The following PIKFYVE variants were observed in gnomAD, a reference collection of about 807,000 sequenced individuals.
PIKFYVE encodes the protein 1-phosphatidylinositol 3-phosphate 5-kinase.
A neutral mutation model predicts 257.9 loss-of-function variants in PIKFYVE; 122 were observed. The ratio of observed to expected loss-of-function variants is 0.47; its 90% CI spans 0.41 to 0.55. The LOEUF (loss-of-function observed/expected upper bound fraction) is 0.55. PIKFYVE is among the 20% of genes least tolerant of loss of function. PIKFYVE has a pLI of 0.00. For missense variants in PIKFYVE, 2,160 were observed against 2,536.6 expected (o/e 0.85, Z 3.19); for synonymous variants, 892 against 868.9 (o/e 1.03, Z -0.47).
At chr2:208,329,956 A>G in intron 22 of PIKFYVE, 43 bp downstream of exon 22, 1 of 1,600,864 alleles carries the variant, frequency 6.2e-7, no homozygotes, top group East Asian at 2.2e-5. Flanking sequence ...CACATTTTTG[A>G]TGCTCAAAAT....
In PIKFYVE at chr2:208,325,780, C is replaced by A; in HGVS notation, c.2969C>A (p.Ala990Asp). 4 of 1,613,992 alleles carry A rather than the reference C, an allele frequency of 2.5e-6. No homozygotes were observed. The highest frequency in any genetic ancestry group is 2.5e-6 in the Non-Finnish European group (3 of 1,179,974). ...CTCCCTGTGGATGACCAACAAGATG[C>A]TTTAGGCAGCGAGCAGCCAGAGACT... Reference protein sequence around the residue: ...LPLPVDDQQDALGSEQPETLQ... With the variant: ...LPLPVDDQQDDLGSEQPETLQ... The change falls in exon 20 of 42, where the codon GCT becomes GAT. Residue 990 changes from alanine to aspartate, a missense_variant. Physicochemically the swap from Ala to Asp is moderately radical, Grantham distance 126. This residue lies in a region of PIKFYVE where 522 missense variants were observed against 514.6 expected (regional missense o/e 1.01). Transcript: ENST00000264380.
chr2:208,313,965 T>C (rs1047455319), intron 13 of PIKFYVE, among the ~76,000 whole-genome samples: 1 of 152,228 alleles, frequency 6.6e-6, no homozygotes, highest in Non-Finnish European at 1.5e-5. Flanking sequence ...TTATTTGCTT[T>C]TCAGAAGCTG....
Position 208,314,410 on chromosome 2 carries a change from A to T in PIKFYVE, c.1813A>T (p.Met605Leu). The T allele has an allele frequency of 6.2e-7, 1 of 1,613,990 alleles. No homozygotes were observed. Among genetic ancestry groups the T allele is most frequent in the Non-Finnish European group, 8.5e-7 (1 of 1,179,930 alleles). Residue 605 changes from methionine to leucine, a missense_variant, in exon 14 of 42, where the codon ATG becomes TTG. By Grantham distance (15) the Met-to-Leu change is conservative (BLOSUM62 2). Around this residue, in one of 12 missense-constraint regions of PIKFYVE, gnomAD observed 346 missense variants for 365.6 expected, o/e 0.95. Coordinates refer to ENST00000264380, the MANE Select transcript of PIKFYVE (RefSeq NM_015040.4). The part of the protein sequence containing the change: ...LREENGEKQA[M>L]ERLLSANHNH... ...GGAGGAGAATGGGGAGAAACAAGCC[A>T]TGGAGAGGTTGCTGTAAGGCAATGA...
At chr2:208,314,048 T>C (rs1175499960) in intron 13 of PIKFYVE, among the ~76,000 whole-genome samples, 1 of 152,274 alleles carries the variant, frequency 6.6e-6, no homozygotes, top group Non-Finnish European at 1.5e-5. Flanking sequence ...TGATTTTGGC[T>C]GTTGCCAATT....
At position 208,344,889 on chromosome 2, in the gene PIKFYVE, T is replaced by C. The variant is rs1432279475; in HGVS notation, c.5028-222T>C. On this transcript the variant is annotated intron_variant, in intron 32 of 41. Coordinates refer to ENST00000264380, the MANE Select transcript of PIKFYVE (RefSeq NM_015040.4). The stretch of plus-strand genomic sequence containing the variant: ...TCTTTGTTGAGGGTATTGATACTGG[T>C]TGATGAGTCAGTGGGTCATATTTTG... Among the ~76,000 whole-genome samples, 6 of 152,244 alleles carry C rather than the reference T, an allele frequency of 3.9e-5. No homozygotes were observed. The East Asian group carries it at 1.2e-3, about 29-fold the overall frequency.
At chr2:208,333,561 T>C (rs1697796110) in intron 24 of PIKFYVE, 68 bp downstream of exon 24, 1 of 1,502,252 alleles carries the variant, frequency 6.7e-7, no homozygotes, top group African/African-American at 1.4e-5. Flanking sequence ...TTTTTAACAT[T>C]TTCACCATTA....
chr2:208,328,393 C>T (rs866699397), intron 21 of PIKFYVE, 113 bp downstream of exon 21: 6 of 1,246,294 alleles, frequency 4.8e-6, no homozygotes, highest in Middle Eastern at 3.7e-4. Flanking sequence ...ACACAGCACA[C>T]TGCTGGTCAT....
chr2:208,316,654 A>G (rs1217110730), intron 15 of PIKFYVE, among the ~76,000 whole-genome samples: 1 of 152,204 alleles, frequency 6.6e-6, no homozygotes, highest in Non-Finnish European at 1.5e-5. Flanking sequence ...TATGGAACCA[A>G]AAAAGAGCCC....
Position 208,329,783 on chromosome 2 carries a change from A to T in PIKFYVE, c.3720-59A>T, listed in dbSNP as rs1332244742. On this transcript the variant is annotated intron_variant, in intron 21 of 41. Coordinates refer to ENST00000264380, the MANE Select transcript of PIKFYVE (RefSeq NM_015040.4). ...ATAGGTAATCATAATTTGTGGTCTC[A>T]TGAAATGTCTCTGGGGCATGGTAAT... 4 of 1,595,738 alleles carry T rather than the reference A, an allele frequency of 2.5e-6. No homozygotes were observed. In the African/African-American group the frequency reaches 4.0e-5, roughly 16 times the overall value.
intron 16 of PIKFYVE, among the ~76,000 whole-genome samples, chr2:208,318,320 G>A (rs1290968069): frequency 2.0e-5 from 3 of 152,080 alleles, no homozygotes; most frequent in Non-Finnish European, 4.4e-5. Flanking sequence ...TCTAGTGCTC[G>A]GCTACAGAAC....
Position 208,333,406 on chromosome 2 carries a change from G to T in PIKFYVE, c.4055G>T (p.Arg1352Leu). ...ELRFYGHQYT[R>L]RANAEPCGHS... is the part of the protein sequence containing the mutation. The stretch of plus-strand genomic sequence containing the variant: ...AGGTTTTATGGGCACCAGTATACTC[G>T]CAGAGCCAACGCTGAGCCCTGTGGT... Residue 1352 changes from arginine to leucine, a missense_variant, in exon 24 of 42, where the codon CGC (arginine) becomes CTC (leucine). Arg to Leu is a moderately radical substitution (Grantham distance 102). Transcript: ENST00000264380. The T allele has an allele frequency of 2.5e-6, 4 of 1,613,890 alleles. No homozygotes were observed. The highest frequency in any genetic ancestry group is 3.4e-6 in the Non-Finnish European group (4 of 1,179,918).
chr2:208,289,667 T>C (rs1402487994), intron 7 of PIKFYVE, among the ~76,000 whole-genome samples: 3 of 152,134 alleles, frequency 2.0e-5, no homozygotes, highest in Non-Finnish European at 4.4e-5. Flanking sequence ...CCTGACCTCA[T>C]GATCCACCCA....
intron 21 of PIKFYVE, 136 bp downstream of exon 21, chr2:208,328,416 A>G (rs1396097739): frequency 9.6e-7 from 1 of 1,041,834 alleles, no homozygotes; most frequent in African/African-American, 1.6e-5. Flanking sequence ...ATGAATTGAT[A>G]GAACTTTTAA....
Position 208,336,941 on chromosome 2 carries a change from G to T in PIKFYVE, c.4611+13G>T, listed in dbSNP as rs1698196628. 6.3e-7 allele frequency: 1 copy of T among 1,587,276 alleles called. No homozygotes were observed. The highest frequency in any genetic ancestry group is 8.6e-7 in the Non-Finnish European group (1 of 1,156,570). ...GGAAGAAAGCAAGGTATGAAATGTAGTCTTGTCTTTGGTCCTTAATCAATA... is the reference window on the plus strand; with the variant it reads ...GGAAGAAAGCAAGGTATGAAATGTATTCTTGTCTTTGGTCCTTAATCAATA... On this transcript the variant is annotated intron_variant, in intron 28 of 41. Coordinates refer to ENST00000264380, the MANE Select transcript of PIKFYVE (RefSeq NM_015040.4).
In PIKFYVE at chr2:208,355,246, A is replaced by G. The variant is rs1700095725; in HGVS notation, c.6238A>G (p.Met2080Val). ...GTACAGGACTAGGTTTTGTGAGGCAATGGACAAGTATTTCCTAATGGTACC... is the reference window on the plus strand; with the variant it reads ...GTACAGGACTAGGTTTTGTGAGGCAGTGGACAAGTATTTCCTAATGGTACC... ...ELYRTRFCEA[M>V]DKYFLMVPDH... The change falls in exon 42 of 42, where the codon ATG (methionine) becomes GTG (valine). Residue 2080 changes from methionine (M) to valine (V), a missense_variant. This residue lies in a region of PIKFYVE where 38 missense variants were observed against 77.7 expected (regional missense o/e 0.49). Transcript: ENST00000264380. 1 of 1,613,956 alleles carries G rather than the reference A, an allele frequency of 6.2e-7. No homozygotes were observed. The highest frequency in any genetic ancestry group is 1.3e-5 in the African/African-American group (1 of 74,922).
chr2:208,357,003 TATTAAAA>T lies in PIKFYVE; in HGVS notation c.*1701_*1707del, dbSNP rs1181839753. ...AGGCAGTAGTTTGGTATTTGGTGCT[TATTAAAA>T]ATGTGGTTTGTTTTGAACTGGAAGC... On this transcript the variant is annotated 3_prime_UTR_variant, in exon 42 of 42. Coordinates refer to ENST00000264380, the MANE Select transcript of PIKFYVE (RefSeq NM_015040.4). The T allele has an allele frequency of 6.6e-6, 1 of 152,552 alleles. No individual in the cohort carries two copies. The highest frequency in any genetic ancestry group is 1.9e-4 in the East Asian group (1 of 5,192). 9.4% of individuals were successfully genotyped at this position (152,552 alleles called of 1,614,324 possible).
chr2:208,330,528 C>T lies in PIKFYVE; in HGVS notation c.3797C>T (p.Ser1266Phe), dbSNP rs375058785. The change falls in exon 23 of 42, where the codon TCT (serine) becomes TTT (phenylalanine). Residue 1266 changes from serine to phenylalanine, a missense_variant. By Grantham distance (155) the Ser-to-Phe change is radical. This residue lies in a region of PIKFYVE where 55 missense variants were observed against 103.0 expected (regional missense o/e 0.53). Transcript: ENST00000264380. ...GGCTCTTTTGTTTGTCAAAGGCCTT[C>T]TTATCAGTGTCCAAGCATGTTCTGT... ...IFLERYCFRP[S>F]YQCPSMFCDT... is the part of the protein sequence containing the mutation. 28 of 1,614,094 alleles carry T rather than the reference C, an allele frequency of 1.7e-5. No homozygotes were observed. Among genetic ancestry groups the T allele is most frequent in the Non-Finnish European group, 2.4e-5 (28 of 1,179,984 alleles).
chr2:208,269,996 A>T, intron 1 of PIKFYVE: 1 of 190,964 alleles, frequency 5.2e-6, no homozygotes, highest in Non-Finnish European at 1.2e-5. Flanking sequence ...GGATGGGGGC[A>T]CCCATCTCTT....
chr2:208,333,372 C>T lies in PIKFYVE; in HGVS notation c.4021C>T (p.Leu1341Phe), dbSNP rs1246302784. The T allele has an allele frequency of 2.5e-6, 4 of 1,613,912 alleles. No homozygotes were observed. Among genetic ancestry groups the T allele is most frequent in the Non-Finnish European group, 2.5e-6 (3 of 1,180,012 alleles). ...CTGGTCTATGTCATTTGCAAAATACCTTGAACTTAGGTTTTATGGGCACCA... is the reference window on the plus strand; with the variant it reads ...CTGGTCTATGTCATTTGCAAAATACTTTGAACTTAGGTTTTATGGGCACCA... ...ESWSMSFAKYLELRFYGHQYT... is the reference protein window; with the variant it reads ...ESWSMSFAKYFELRFYGHQYT... Residue 1341 changes from leucine (L) to phenylalanine (F), a missense_variant, in exon 24 of 42, where the codon CTT becomes TTT. By Grantham distance (22) the Leu-to-Phe change is conservative (BLOSUM62 0). Coordinates refer to ENST00000264380, the MANE Select transcript of PIKFYVE (RefSeq NM_015040.4).
Sources: allele counts gnomAD v4.1 joint callset (sites outside exome capture counted in the v4.1 genomes callset), GRCh38; gene constraint gnomAD v4.1.1; regional missense constraint gnomAD v4.1.1; transcripts MANE v1.5; gene names NCBI Gene and HGNC (gene_info 2026-07-23, HGNC 2026-07-21).